PLA2G1B: variants seen among roughly 807,000 people sequenced by gnomAD.
The protein encoded by PLA2G1B is phospholipase A2.
Under a neutral mutation model 12.5 loss-of-function variants are expected in PLA2G1B, and 12 were observed. That is an observed-to-expected ratio of 0.96 (90% CI 0.62 to 1.56). The LOEUF (loss-of-function observed/expected upper bound fraction) is 1.56. Among genes scored for constraint, PLA2G1B ranks in the 40% most tolerant of loss-of-function variants. The probability of loss-of-function intolerance (pLI) is 0.00; values close to 1 mark genes in which losing one functional copy is unlikely to be tolerated. For missense variants in PLA2G1B, 189 were observed against 186.7 expected, an observed-to-expected ratio of 1.01 and a Z score of -0.07; for synonymous variants, 81 against 73.4, an observed-to-expected ratio of 1.10 and a Z score of -0.53.
At position 120,324,922 on chromosome 12, in the gene PLA2G1B, G is replaced by C. The variant is rs757028563; in HGVS notation, c.322+12C>G. 1 of 1,613,920 alleles carries C rather than the reference G, an allele frequency of 6.2e-7. No homozygotes were observed. The highest frequency in any genetic ancestry group is 2.2e-5 in the East Asian group (1 of 44,878). On this transcript the variant is annotated intron_variant, in intron 3 of 3. Coordinates refer to ENST00000308366, the MANE Select transcript of PLA2G1B (RefSeq NM_000928.3). ...AACTAGAATTCATAGGTCAAGGAAG[G>C]GATAAACCTACTGCTACAGGTGATT...
chr12:120,326,927 C>T (rs1873363379), intron 1 of PLA2G1B, among the ~76,000 whole-genome samples: 1 of 151,926 alleles, frequency 6.6e-6, no homozygotes, highest in African/African-American at 2.4e-5. Context: ...GCCGAGATCG[C>T]ACCACTGTAC....
Position 120,324,980 on chromosome 12 carries a change from G to T in PLA2G1B, c.276C>A (p.Thr92=). 1.9e-6 allele frequency: 3 copies of T among 1,614,022 alleles called. No homozygotes were observed. Among genetic ancestry groups the T allele is most frequent in the Non-Finnish European group, 2.5e-6 (3 of 1,179,948 alleles). ...CAGAGCACGAGTATGAATAGGTGTGGGTGTACGGGTTGTCCAGCAGAAATT... is the reference window on the plus strand; with the variant it reads ...CAGAGCACGAGTATGAATAGGTGTGTGTGTACGGGTTGTCCAGCAGAAATT... ...SCKFLLDNPY[T]HTYSYSCSGS... The change falls in exon 3 of 4, where the codon ACC becomes ACA. Residue 92 remains threonine, a synonymous_variant. Transcript: ENST00000308366.
In PLA2G1B at chr12:120,325,684, C is replaced by T. The variant is rs1169005521; in HGVS notation, c.194+177G>A. Reference sequence around the variant, plus strand: ...CGTCGGTCATTGTTTCCATCTCTAACGGGGTGCGTTCGCTACAGGGTCCTC... The same window carrying T: ...CGTCGGTCATTGTTTCCATCTCTAATGGGGTGCGTTCGCTACAGGGTCCTC... On this transcript the variant is annotated intron_variant, in intron 2 of 3. Transcript: ENST00000308366. Among the ~76,000 whole-genome samples, 7 of 152,196 alleles carry T rather than the reference C, an allele frequency of 4.6e-5. No individual in the cohort carries two copies. The East Asian group carries it at 1.2e-3, about 25-fold the overall frequency.
At chr12:120,324,881 C>A in intron 3 of PLA2G1B, 53 bp downstream of exon 3, 2 of 1,588,830 alleles carry the variant, frequency 1.3e-6, no homozygotes, top group Non-Finnish European at 8.6e-7. Context: ...TATTTCCCCC[C>A]GGCCTACTGA....
intron 3 of PLA2G1B, among the ~76,000 whole-genome samples, chr12:120,322,845 C>G (rs1873265076): frequency 6.6e-6 from 1 of 152,040 alleles, no homozygotes; most frequent in Non-Finnish European, 1.5e-5. Flanking sequence ...CCTCGGCCTC[C>G]CAAAGTGCTG....
intron 3 of PLA2G1B, among the ~76,000 whole-genome samples, chr12:120,324,314 A>T (rs1873294179): frequency 6.6e-6 from 1 of 152,132 alleles, no homozygotes; most frequent in South Asian, 2.1e-4. Context: ...AGAAAGGAAG[A>T]AAATAGGCAG....
intron 2 of PLA2G1B, 69 bp from the exon 3 acceptor site, chr12:120,325,130 C>A (rs769433953): frequency 1.7e-4 from 262 of 1,536,320 alleles, no homozygotes; most frequent in Non-Finnish European, 2.1e-4. Context: ...CACCTGCCCA[C>A]TCTCAGGAAC....
Position 120,325,969 on chromosome 12 carries a change from T to C in PLA2G1B, c.86A>G (p.Lys29Arg). 1 of 1,614,188 alleles carries C rather than the reference T, an allele frequency of 6.2e-7. No individual in the cohort carries two copies. Among genetic ancestry groups the C allele is most frequent in the Non-Finnish European group, 8.5e-7 (1 of 1,180,014 alleles). The change falls in exon 2 of 4, where the codon AAA (lysine) becomes AGA (arginine). Residue 29 changes from lysine to arginine, a missense_variant. By Grantham distance (26) the Lys-to-Arg change is conservative (BLOSUM62 2). Coordinates refer to ENST00000308366, the MANE Select transcript of PLA2G1B (RefSeq NM_000928.3). The part of the protein sequence containing the change: ...ISPRAVWQFR[K>R]MIKCVIPGSD... ...CCCCGGGATCACGCACTTGATCATT[T>C]TGCGGAACTGCCACACGGCCCGAGG...
At chr12:120,327,070 G>A (rs1565876557) in intron 1 of PLA2G1B, among the ~76,000 whole-genome samples, 1 of 151,866 alleles carries the variant, frequency 6.6e-6, no homozygotes, top group Non-Finnish European at 1.5e-5. Context: ...CTAAAAGGGA[G>A]GTCACCCAGC....
intron 1 of PLA2G1B, 143 bp downstream of exon 1, chr12:120,327,577 C>A: frequency 1.2e-6 from 1 of 806,004 alleles, no homozygotes; most frequent in Non-Finnish European, 2.2e-6. Context: ...TAGAGGAGCC[C>A]TTAAGCCCCA....
chr12:120,325,347 C>T (rs567916611), intron 2 of PLA2G1B, among the ~76,000 whole-genome samples: 1 of 151,922 alleles, frequency 6.6e-6, no homozygotes, highest in East Asian at 1.9e-4. Context: ...TACAGGCGCT[C>T]GCCACCATGT....
At position 120,326,010 on chromosome 12, in the gene PLA2G1B, G is replaced by C; in HGVS notation, c.45C>G (p.Ala15=). ...VLAVLLTVAA[A]DSGISPRAVW... ...CGGCCCGAGGGCTGATGCCGCTGTC[G>C]GCGGCGGCCACTGCAAGAAGACATA... Residue 15 remains alanine (A), a synonymous_variant, in exon 2 of 4, where the codon GCC becomes GCG. Transcript: ENST00000308366. 4.3e-6 allele frequency: 7 copies of C among 1,613,848 alleles called. No homozygotes were observed. Among genetic ancestry groups the C allele is most frequent in the Non-Finnish European group, 4.2e-6 (5 of 1,179,916 alleles).
At chr12:120,325,174 G>T in intron 2 of PLA2G1B, 113 bp from the exon 3 acceptor site, 1 of 1,002,896 alleles carries the variant, frequency 1.0e-6, no homozygotes, top group Non-Finnish European at 1.5e-6. Context: ...TGCTTCAGGA[G>T]AAATGATCCT....
chr12:120,322,341 A>G (rs1218064532), intron 3 of PLA2G1B, 24 bp from the exon 4 acceptor site: 1 of 1,611,034 alleles, frequency 6.2e-7, no homozygotes, highest in Admixed American at 1.7e-5. Context: ...AAAGGAGAGG[A>G]CTGAGCCAAG....
At chr12:120,322,861 C>A (rs1873265342) in intron 3 of PLA2G1B, among the ~76,000 whole-genome samples, 1 of 152,176 alleles carries the variant, frequency 6.6e-6, no homozygotes, top group Admixed American at 6.6e-5. Flanking sequence ...TGCTGGGATA[C>A]AGGCGTGAGC....
At chr12:120,324,887 A>G (rs759547385) in intron 3 of PLA2G1B, 47 bp downstream of exon 3, 2 of 1,602,804 alleles carry the variant, frequency 1.2e-6, no homozygotes, top group South Asian at 2.2e-5. Flanking sequence ...CCCCCGGCCT[A>G]CTGAGAACCA....
At chr12:120,326,560 G>A (rs1380350628) in intron 1 of PLA2G1B, among the ~76,000 whole-genome samples, 1 of 145,442 alleles carries the variant, frequency 6.9e-6, no homozygotes, top group Non-Finnish European at 1.5e-5. Flanking sequence ...AGGAGCTAGA[G>A]ATACAGCAGT....
rs1419830000 is a variant in PLA2G1B, at chr12:120,327,704, G to A, written c.34+16C>T. 14 of 1,612,266 alleles carry A rather than the reference G, an allele frequency of 8.7e-6. No individual in the cohort carries two copies. Among genetic ancestry groups the A allele is most frequent in the Middle Eastern group, 1.7e-4 (1 of 5,822 alleles). The stretch of plus-strand genomic sequence containing the variant: ...TTGGGAGAGAAAGGCGGGTGGAGCC[G>A]GGGAGACTTGCCTACCTGTGAGCAG... On this transcript the variant is annotated intron_variant, in intron 1 of 3. Coordinates refer to ENST00000308366, the MANE Select transcript of PLA2G1B (RefSeq NM_000928.3).
chr12:120,325,491 C>T lies in PLA2G1B; in HGVS notation c.194+370G>A, dbSNP rs116845697. 2.1e-3 allele frequency among the ~76,000 whole-genome samples: 322 copies of T among 152,270 alleles called. 6 individuals carry two copies. In the East Asian group the frequency reaches 0.024, roughly 12 times the overall value. ...CTGGGATTACAGGCATGAGCCACCG[C>T]GCCTGGCCTGAAAGCGATTTTTAAC... is the stretch of plus-strand genomic sequence containing the variant. On this transcript the variant is annotated intron_variant, in intron 2 of 3. Transcript: ENST00000308366.
Sources: allele counts gnomAD v4.1 joint callset (sites outside exome capture counted in the v4.1 genomes callset), GRCh38; gene constraint gnomAD v4.1.1; transcripts MANE v1.5; gene names NCBI Gene and HGNC (gene_info 2026-07-23, HGNC 2026-07-21).